RMDN2: variants seen among roughly 807,000 people sequenced by gnomAD.
RMDN2 encodes the protein regulator of microtubule dynamics protein 2.
RMDN2 carries 61 observed loss-of-function variants against 52.8 expected under a neutral mutation model. That is an observed-to-expected ratio of 1.16 (90% CI 0.94 to 1.43). The LOEUF (loss-of-function observed/expected upper bound fraction) is 1.43, where lower values mean the gene tolerates loss of function less well. Among genes scored for constraint, RMDN2 ranks in the 40% most tolerant of loss-of-function variants. The pLI, the probability that RMDN2 is intolerant of heterozygous loss-of-function variation, is 0.00. For missense variants in RMDN2, 592 were observed against 475.3 expected (o/e 1.25, Z -2.28); for synonymous variants, 180 against 153.1 (o/e 1.18, Z -1.30).
chr2:38,044,764 C>G (rs531845326), intron 10 of RMDN2, among the ~76,000 whole-genome samples: 2 of 152,118 alleles, frequency 1.3e-5, no homozygotes, highest in Admixed American at 6.5e-5. Flanking sequence ...GTTTCCAGCT[C>G]TCTGATTATA....
intron 2 of RMDN2, among the ~76,000 whole-genome samples, chr2:37,954,081 A>T (rs1209690344): frequency 1.3e-5 from 2 of 151,680 alleles, no homozygotes; most frequent in African/African-American, 4.8e-5. Flanking sequence ...GGAGTTCTTT[A>T]TATATTTTGG....
intron 10 of RMDN2, among the ~76,000 whole-genome samples, chr2:38,039,853 G>T (rs336030): frequency 0.58 from 87,610 of 151,922 alleles, 25,699 homozygotes; most frequent in East Asian, 0.87. Context: ...AAGCACAAAG[G>T]TACCCAGGAC....
chr2:37,926,386 A>C (rs571183788), intron 1 of RMDN2, among the ~76,000 whole-genome samples: 1 of 152,294 alleles, frequency 6.6e-6, no homozygotes, highest in East Asian at 1.9e-4. Context: ...TAGAGTCAAC[A>C]TTTTGATGTC....
intron 5 of RMDN2, among the ~76,000 whole-genome samples, chr2:37,981,937 AATT>A (rs1673373085): frequency 6.6e-6 from 1 of 151,968 alleles, no homozygotes; most frequent in South Asian, 2.1e-4. Flanking sequence ...TATTGTTTTA[AATT>A]ATTATTCTTC....
intron 2 of RMDN2, among the ~76,000 whole-genome samples, chr2:37,938,476 C>G (rs920407981): frequency 2.0e-4 from 31 of 152,202 alleles, no homozygotes; most frequent in African/African-American, 7.0e-4. Flanking sequence ...AATGGTACCG[C>G]TCCACTTTGT....
chr2:37,936,409 C>T (rs1435228518), intron 2 of RMDN2, among the ~76,000 whole-genome samples: 7 of 152,090 alleles, frequency 4.6e-5, no homozygotes, highest in Admixed American at 2.6e-4. Flanking sequence ...GTATATACCC[C>T]GTAATGGGAT....
chr2:38,008,719 T>G (rs1193780433), intron 10 of RMDN2, among the ~76,000 whole-genome samples: 1 of 152,226 alleles, frequency 6.6e-6, no homozygotes, highest in Admixed American at 6.5e-5. Flanking sequence ...AAGTTAATAT[T>G]GTTATGTGTG....
intron 10 of RMDN2, among the ~76,000 whole-genome samples, chr2:38,039,503 A>C (rs1196094459): frequency 2.0e-5 from 3 of 152,194 alleles, no homozygotes; most frequent in Non-Finnish European, 4.4e-5. Context: ...CAAAAGGTTT[A>C]CATCATTTCT....
At chr2:38,027,199 C>T (rs1253100600) in intron 10 of RMDN2, 1 of 152,238 alleles carries the variant, frequency 6.6e-6, no homozygotes, top group African/African-American at 2.4e-5. Flanking sequence ...GAGGAGATTT[C>T]TGGACTCCTT....
At chr2:37,980,863 A>G (rs908805339) in intron 4 of RMDN2, among the ~76,000 whole-genome samples, 1 of 151,546 alleles carries the variant, frequency 6.6e-6, no homozygotes, top group African/African-American at 2.4e-5. Context: ...GAGCTCTTGG[A>G]GGTCAAGGAC....
chr2:38,043,864 A>G (rs1681111533), intron 10 of RMDN2, among the ~76,000 whole-genome samples: 1 of 152,016 alleles, frequency 6.6e-6, no homozygotes, highest in South Asian at 2.1e-4. Flanking sequence ...CATTGATGCT[A>G]TTATTACTTT....
Position 37,954,416 on chromosome 2 carries a change from T to TG in RMDN2, c.453-19622dup, listed in dbSNP as rs77388010. Among the ~76,000 whole-genome samples, 163 of 152,266 alleles carry TG rather than the reference T, an allele frequency of 1.1e-3. 3 individuals are homozygous for TG. In the East Asian group the frequency reaches 0.027, roughly 25 times the overall value. ...TGGTCTTACTTCATTCTTTTATATGTGGATATCCAGTTTTCTCAACACCAT... is the reference window on the plus strand; with the variant it reads ...TGGTCTTACTTCATTCTTTTATATGTGGGATATCCAGTTTTCTCAACACCAT... On this transcript the variant is annotated intron_variant, in intron 2 of 10. Coordinates refer to ENST00000354545, the MANE Select transcript of RMDN2 (RefSeq NM_001170791.3).
chr2:37,962,938 C>T (rs1349556381), intron 2 of RMDN2, among the ~76,000 whole-genome samples: 1 of 152,186 alleles, frequency 6.6e-6, no homozygotes, highest in Non-Finnish European at 1.5e-5. Flanking sequence ...CTCATGGCTT[C>T]CCTTGGCTAG....
chr2:37,924,025 C>G (rs1666109642), upstream of RMDN2, among the ~76,000 whole-genome samples: 2 of 152,200 alleles, frequency 1.3e-5, no homozygotes, highest in Non-Finnish European at 2.9e-5. Flanking sequence ...GCTGGGCTTA[C>G]AGTCGTGAGC....
At chr2:37,936,970 T>C (rs186928047) in intron 2 of RMDN2, among the ~76,000 whole-genome samples, 31 of 152,360 alleles carry the variant, frequency 2.0e-4, no homozygotes, top group African/African-American at 6.5e-4. Context: ...TCTTTGCTCA[T>C]GCCTATGTCC....
At chr2:38,042,961 T>C (rs78935770) in intron 10 of RMDN2, among the ~76,000 whole-genome samples, 44,335 of 151,976 alleles carry the variant, frequency 0.29, 9,422 homozygotes, top group East Asian at 0.79. Context: ...TAGAGAATAA[T>C]GTGTATTCTG....
intron 2 of RMDN2, among the ~76,000 whole-genome samples, chr2:37,973,359 C>G (rs1189008992): frequency 6.6e-6 from 1 of 152,180 alleles, no homozygotes; most frequent in Non-Finnish European, 1.5e-5. Context: ...AGTTTACACA[C>G]ACAGTTTTGA....
intron 2 of RMDN2, among the ~76,000 whole-genome samples, chr2:37,963,585 T>G (rs1670580543): frequency 6.6e-6 from 1 of 152,318 alleles, no homozygotes; most frequent in Non-Finnish European, 1.5e-5. Context: ...CTTAATCCAT[T>G]TAACCCTGAG....
At chr2:37,991,172 C>CA in intron 6 of RMDN2, 48 bp from the exon 7 acceptor site, 1 of 1,100,128 alleles carries the variant, frequency 9.1e-7, no homozygotes, top group Non-Finnish European at 1.3e-6. Flanking sequence ...TTCCAGTCAA[C>CA]AATATCTGAA....
Sources: allele counts gnomAD v4.1 joint callset (sites outside exome capture counted in the v4.1 genomes callset), GRCh38; gene constraint gnomAD v4.1.1; transcripts MANE v1.5; gene names NCBI Gene and HGNC (gene_info 2026-07-23, HGNC 2026-07-21).